The following DNTT variants were observed in gnomAD, a reference collection of about 807,000 sequenced individuals.
The protein encoded by DNTT is DNA nucleotidylexotransferase, also known as nucleosidetriphosphate:DNA deoxynucleotidylexotransferase.
In DNTT, 47 loss-of-function variants were observed where a neutral mutation model predicts 60.9. The observed-to-expected ratio is 0.77, with a 90% CI of 0.61 to 0.98. The LOEUF is 0.98. Ranked by LOEUF, DNTT falls within the 50% of genes least tolerant of loss-of-function variation. The probability of loss-of-function intolerance (pLI) is 0.00; values close to 1 mark genes in which losing one functional copy is unlikely to be tolerated. For missense variants in DNTT, 665 were observed against 627.5 expected, an observed-to-expected ratio of 1.06 and a Z score of -0.64; for synonymous variants, 224 against 221.2, an observed-to-expected ratio of 1.01 and a Z score of -0.11.
chr10:96,307,631 A>G (rs1269672592), intron 1 of DNTT, among the ~76,000 whole-genome samples: 11 of 147,876 alleles, frequency 7.4e-5, no homozygotes, highest in East Asian at 5.9e-4. Context: ...TGGGATTACA[A>G]GCGTGAGCAC....
intron 8 of DNTT, among the ~76,000 whole-genome samples, chr10:96,331,779 A>G (rs1374830495): frequency 6.6e-6 from 1 of 152,058 alleles, no homozygotes; most frequent in Non-Finnish European, 1.5e-5. Context: ...TTTAAGTTTT[A>G]TTATTTATTT....
intron 6 of DNTT, among the ~76,000 whole-genome samples, chr10:96,325,048 TCA>T (rs1844923834): frequency 6.6e-6 from 1 of 152,196 alleles, no homozygotes; most frequent in Admixed American, 6.5e-5. Context: ...GCAGGGCCTC[TCA>T]GAGGTTGAAG....
At chr10:96,316,087 C>A (rs1844782146) in intron 1 of DNTT, among the ~76,000 whole-genome samples, 1 of 152,138 alleles carries the variant, frequency 6.6e-6, no homozygotes, top group Admixed American at 6.5e-5. Flanking sequence ...GGATCTCCTG[C>A]TGTCCTTCAA....
chr10:96,329,022 T>C (rs1844973593), intron 8 of DNTT, among the ~76,000 whole-genome samples, 192 bp downstream of exon 8: 1 of 107,422 alleles, frequency 9.3e-6, no homozygotes, highest in Admixed American at 1.1e-4. Context: ...GTTATGAATA[T>C]GTCCTGTATC....
At chr10:96,307,916 T>C (rs1181362404) in intron 1 of DNTT, among the ~76,000 whole-genome samples, 1 of 151,522 alleles carries the variant, frequency 6.6e-6, no homozygotes, top group Non-Finnish European at 1.5e-5. Flanking sequence ...GGACTACAGA[T>C]GCGGGCCATG....
At chr10:96,324,192 C>A (rs753970731) in intron 5 of DNTT, 74 bp from the exon 6 acceptor site, 1 of 1,520,200 alleles carries the variant, frequency 6.6e-7, no homozygotes, top group South Asian at 1.3e-5. Flanking sequence ...TGCCTGAGAC[C>A]TAGAAAGGGT....
At chr10:96,331,023 C>T (rs1023209882) in intron 8 of DNTT, among the ~76,000 whole-genome samples, 1 of 152,134 alleles carries the variant, frequency 6.6e-6, no homozygotes, top group Non-Finnish European at 1.5e-5. Context: ...CCACATCTGC[C>T]CTGTGCCATC....
intron 1 of DNTT, among the ~76,000 whole-genome samples, chr10:96,316,361 T>C (rs1223925231): frequency 6.6e-6 from 1 of 152,170 alleles, no homozygotes; most frequent in African/African-American, 2.4e-5. Context: ...TCCTAAGTAG[T>C]TCCGCAACCC....
At chr10:96,320,933 CCTCTGTCTCTCT>C in intron 4 of DNTT, 145 bp downstream of exon 4, 1 of 689,944 alleles carries the variant, frequency 1.4e-6, no homozygotes, top group Non-Finnish European at 2.1e-6. Flanking sequence ...CTCTCTCTCT[CCTCTGTCTCTCT>C]CTCTCTCTCT....
Position 96,327,382 on chromosome 10 carries a change from C to T in DNTT, c.875-86C>T, listed in dbSNP as rs998511152. On this transcript the variant is annotated intron_variant, in intron 6 of 10. Transcript: ENST00000371174. ...ATGCCTGTAGTCATGTTAGCTCTAT[C>T]GTGGGGACAGAATCCCCTTCTACTG... The T allele has an allele frequency of 4.4e-6, 7 of 1,583,418 alleles. No individual in the cohort carries two copies. The Admixed American group carries it at 6.7e-5, about 15-fold the overall frequency.
chr10:96,322,924 C>T (rs1223929758), intron 5 of DNTT, among the ~76,000 whole-genome samples, 196 bp downstream of exon 5: 3 of 152,190 alleles, frequency 2.0e-5, no homozygotes, highest in African/African-American at 4.8e-5. Context: ...GGTTCTCTTT[C>T]TGGCTTCTTC....
chr10:96,304,799 G>A (rs980020834), intron 1 of DNTT, 99 bp downstream of exon 1: 2 of 1,284,660 alleles, frequency 1.6e-6, no homozygotes, highest in Admixed American at 5.3e-5. Flanking sequence ...ATGTGGAAGA[G>A]GTGATCTTCC....
intron 1 of DNTT, among the ~76,000 whole-genome samples, chr10:96,309,374 TCAGA>T (rs1412167066): frequency 6.6e-6 from 1 of 151,936 alleles, no homozygotes; most frequent in Non-Finnish European, 1.5e-5. Context: ...GAGTTTACAG[TCAGA>T]CAGGAAAGTC....
In DNTT at chr10:96,305,489, G is replaced by A. The variant is rs1589367087; in HGVS notation, c.203+789G>A. ...ATGAAGAGAAAACAAGCAAAATCCA[G>A]AAACAAATGGTATTAGAACCTTGAC... On this transcript the variant is annotated intron_variant, in intron 1 of 10. Coordinates refer to ENST00000371174, the MANE Select transcript of DNTT (RefSeq NM_004088.4). Among the ~76,000 whole-genome samples, 3 of 152,294 alleles carry A rather than the reference G, an allele frequency of 2.0e-5. 1 individual carries two copies.
intron 1 of DNTT, among the ~76,000 whole-genome samples, chr10:96,314,403 T>C (rs1240174262): frequency 3.2e-5 from 1 of 30,970 alleles, no homozygotes; most frequent in East Asian, 3.6e-3. Context: ...ATCTCTTCCC[T>C]TTTTTTTTTT....
chr10:96,320,132 C>T (rs887777738), intron 3 of DNTT, among the ~76,000 whole-genome samples: 7 of 152,228 alleles, frequency 4.6e-5, no homozygotes, highest in Non-Finnish European at 8.8e-5. Flanking sequence ...GCTTCCTCCC[C>T]TGCTAGAAAT....
At chr10:96,319,668 G>A (rs1844842284) in intron 3 of DNTT, among the ~76,000 whole-genome samples, 1 of 152,166 alleles carries the variant, frequency 6.6e-6, no homozygotes, top group African/African-American at 2.4e-5. Flanking sequence ...CGCAACACTT[G>A]TCAAAAGCAA....
At chr10:96,324,795 T>C (rs769287102) in intron 6 of DNTT, among the ~76,000 whole-genome samples, 37 of 152,284 alleles carry the variant, frequency 2.4e-4, no homozygotes, top group Non-Finnish European at 5.0e-4. Flanking sequence ...GTCCTGGCTG[T>C]CTCCCTGGGT....
In DNTT at chr10:96,304,523, T is replaced by C; in HGVS notation, c.26T>C (p.Leu9Ser). The C allele has an allele frequency of 1.2e-6, 2 of 1,613,958 alleles. No individual in the cohort carries two copies. The highest frequency in any genetic ancestry group is 1.7e-6 in the Non-Finnish European group (2 of 1,180,008). The change falls in exon 1 of 11, where the codon TTG becomes TCG. Residue 9 changes from leucine (L) to serine (S), a missense_variant. Physicochemically the swap from Leu to Ser is moderately radical, Grantham distance 145. Transcript: ENST00000371174. ...ATGGATCCACCACGAGCGTCCCACTTGAGCCCTCGGAAGAAGAGACCCCGG... is the reference window on the plus strand; with the variant it reads ...ATGGATCCACCACGAGCGTCCCACTCGAGCCCTCGGAAGAAGAGACCCCGG... MDPPRASH[L>S]SPRKKRPRQT...
Sources: gnomAD v4.1 joint callset for allele counts (sites outside exome capture counted in the v4.1 genomes callset) on GRCh38, gnomAD v4.1.1 for gene constraint, MANE v1.5 for transcripts, NCBI Gene and HGNC (gene_info 2026-07-23, HGNC 2026-07-21) for gene names.